Variants in CCSER1 observed in about 807,000 individuals in gnomAD.
CCSER1 encodes the protein serine-rich coiled-coil domain-containing protein 1.
Under a neutral mutation model 82.0 loss-of-function variants are expected in CCSER1, and 41 were observed. The ratio of observed to expected loss-of-function variants is 0.50; its 90% CI spans 0.39 to 0.65. CCSER1 has a LOEUF of 0.65. CCSER1 is among the 30% of genes least tolerant of loss of function. CCSER1 has a pLI of 0.00. For missense variants in CCSER1, 1,119 were observed against 1,064.2 expected, an observed-to-expected ratio of 1.05 and a Z score of -0.72; for synonymous variants, 414 against 383.9, an observed-to-expected ratio of 1.08 and a Z score of -0.92.
At chr4:90,368,272 C>T (rs778385177) in intron 3 of CCSER1, among the ~76,000 whole-genome samples, 1 of 151,828 alleles carries the variant, frequency 6.6e-6, no homozygotes, top group Non-Finnish European at 1.5e-5. Context: ...CCCATGAGCA[C>T]TTATGAGAAA....
intron 7 of CCSER1, among the ~76,000 whole-genome samples, chr4:90,810,678 CA>C (rs1411505242): frequency 3.9e-5 from 6 of 151,974 alleles, no homozygotes; most frequent in African/African-American, 1.4e-4. Flanking sequence ...ACAACAACAA[CA>C]ACCAAAACTA....
chr4:90,903,058 C>T (rs1020172409), intron 8 of CCSER1, among the ~76,000 whole-genome samples: 3 of 152,140 alleles, frequency 2.0e-5, no homozygotes, highest in Admixed American at 2.0e-4. Flanking sequence ...GCTGCTACCA[C>T]CGCACATTGA....
rs78324490 is a variant in CCSER1, at chr4:90,343,958, G to T, written c.1509+30911G>T. Among the ~76,000 whole-genome samples, 8 of 151,986 alleles carry T rather than the reference G, an allele frequency of 5.3e-5. No individual in the cohort carries two copies. In the East Asian group the frequency reaches 1.6e-3, roughly 30 times the overall value. ...TTATTGACTATAATAACTCTGTTGC[G>T]CTATCAAATACTAGGTCTTATTCAT... On this transcript the variant is annotated intron_variant, in intron 3 of 10. Transcript: ENST00000509176.
intron 5 of CCSER1, among the ~76,000 whole-genome samples, chr4:90,608,032 C>A (rs376330918): frequency 1.3e-5 from 2 of 152,256 alleles, no homozygotes; most frequent in Non-Finnish European, 1.5e-5. Context: ...TTCCTAAGTT[C>A]TTTTAAAACT....
At chr4:90,968,974 G>A (rs1174535070) in intron 9 of CCSER1, among the ~76,000 whole-genome samples, 1 of 151,402 alleles carries the variant, frequency 6.6e-6, no homozygotes, top group Non-Finnish European at 1.5e-5. Flanking sequence ...CAAAGAGACA[G>A]AAATTATTTA....
chr4:90,788,868 A>G (rs189857749), intron 7 of CCSER1, among the ~76,000 whole-genome samples: 8 of 152,322 alleles, frequency 5.3e-5, no homozygotes, highest in East Asian at 3.9e-4. Flanking sequence ...TTCTCTGCCT[A>G]GTTATGTACT....
intron 9 of CCSER1, among the ~76,000 whole-genome samples, chr4:91,058,919 A>C (rs1743688549): frequency 6.6e-6 from 1 of 152,010 alleles, no homozygotes. Flanking sequence ...ATTTGCACTG[A>C]AGACTTTAGA....
At chr4:90,284,335 G>T (rs1428536996) in intron 1 of CCSER1, among the ~76,000 whole-genome samples, 1 of 151,938 alleles carries the variant, frequency 6.6e-6, no homozygotes, top group Non-Finnish European at 1.5e-5. Context: ...TAGTTGACGT[G>T]ATATCTTTTG....
chr4:91,603,136 A>G lies in CCSER1; in HGVS notation c.*4079A>G, dbSNP rs1191892015. The G allele has an allele frequency of 6.6e-6, 1 of 152,122 alleles. No individual in the cohort carries two copies. Among genetic ancestry groups the G allele is most frequent in the Non-Finnish European group, 1.5e-5 (1 of 67,988 alleles). 9.4% of individuals were successfully genotyped at this position (152,122 alleles called of 1,614,324 possible). On this transcript the variant is annotated 3_prime_UTR_variant, in exon 11 of 11. Transcript: ENST00000509176. ...TTGGTTCTTATAAAAGGCTGATTTC[A>G]GTTAAGACTGGTCATTTTTTTAAAA...
intron 10 of CCSER1, among the ~76,000 whole-genome samples, chr4:91,271,586 C>G (rs1374463922): frequency 6.6e-6 from 1 of 152,010 alleles, no homozygotes; most frequent in Non-Finnish European, 1.5e-5. Context: ...TCATCCAGGT[C>G]GCTGCAAATG....
intron 10 of CCSER1, among the ~76,000 whole-genome samples, chr4:91,294,191 A>C (rs1439430522): frequency 3.9e-5 from 6 of 151,930 alleles, no homozygotes; most frequent in Admixed American, 3.9e-4. Context: ...ATTTAGTTGA[A>C]TTTTTATGAT....
At chr4:91,411,491 C>CTTATATATAT (rs1753020716) in intron 10 of CCSER1, among the ~76,000 whole-genome samples, 1 of 53,812 alleles carries the variant, frequency 1.9e-5, no homozygotes, top group African/African-American at 8.0e-5. Flanking sequence ...TGCATATATA[C>CTTATATATAT]ATATATATAT....
intron 1 of CCSER1, among the ~76,000 whole-genome samples, chr4:90,135,209 C>G (rs965437951): frequency 6.6e-6 from 1 of 152,174 alleles, no homozygotes; most frequent in Non-Finnish European, 1.5e-5. Context: ...TCAACTCTAA[C>G]ATTACAACGT....
chr4:90,257,409 G>A (rs995612468), intron 1 of CCSER1, among the ~76,000 whole-genome samples: 2 of 152,042 alleles, frequency 1.3e-5, no homozygotes, highest in African/African-American at 4.8e-5. Flanking sequence ...ATTTTTTGGT[G>A]TATTTAAAAG....
intron 8 of CCSER1, among the ~76,000 whole-genome samples, chr4:90,865,479 C>T (rs1317838915): frequency 6.6e-6 from 1 of 151,888 alleles, no homozygotes; most frequent in Admixed American, 6.6e-5. Flanking sequence ...GTCTACCTTC[C>T]AGCTGTCATA....
chr4:90,445,559 C>T (rs1298641216), intron 4 of CCSER1, among the ~76,000 whole-genome samples: 3 of 151,836 alleles, frequency 2.0e-5, no homozygotes, highest in Non-Finnish European at 2.9e-5. Flanking sequence ...GGAAAGTTAG[C>T]GGGGCTTGAG....
chr4:90,966,636 T>C (rs1029108819), intron 9 of CCSER1, among the ~76,000 whole-genome samples: 2 of 152,116 alleles, frequency 1.3e-5, no homozygotes, highest in Non-Finnish European at 1.5e-5. Context: ...AAATCGCCAA[T>C]TGAATCCGTG....
Position 90,428,881 on chromosome 4 carries a change from A to T in CCSER1, c.1603+28752A>T, listed in dbSNP as rs148347135. On this transcript the variant is annotated intron_variant, in intron 4 of 10. Transcript: ENST00000509176. The stretch of plus-strand genomic sequence containing the variant: ...AACTGTCACAGCCAAGAGGAGCCTA[A>T]GGAGATATGACAACTGAATATAATG... 7.8e-4 allele frequency among the ~76,000 whole-genome samples: 119 copies of T among 152,006 alleles called. 1 individual carries two copies. The highest frequency in any genetic ancestry group is 1.6e-4 in the Non-Finnish European group (11 of 67,786).
intron 10 of CCSER1, among the ~76,000 whole-genome samples, chr4:91,238,374 T>C (rs956294345): frequency 6.6e-6 from 1 of 151,828 alleles, no homozygotes. Context: ...CAAAAAAAAA[T>C]GAATTTTCCC....
Sources: gnomAD v4.1 joint callset for allele counts (sites outside exome capture counted in the v4.1 genomes callset) on GRCh38, gnomAD v4.1.1 for gene constraint, MANE v1.5 for transcripts, NCBI Gene and HGNC (gene_info 2026-07-23, HGNC 2026-07-21) for gene names.